Variants in CAMTA1 observed in about 807,000 individuals in gnomAD.
The protein encoded by CAMTA1 is calmodulin-binding transcription activator 1.
In CAMTA1, 27 loss-of-function variants were observed where a neutral mutation model predicts 170.9. That is an observed-to-expected ratio of 0.16 (90% CI 0.12 to 0.22). The LOEUF is 0.22. Among genes scored for constraint, CAMTA1 ranks in the 10% least tolerant of loss-of-function variants. CAMTA1 has a pLI of 1.00. For missense variants in CAMTA1, 1,619 were observed against 2,217.2 expected, an observed-to-expected ratio of 0.73 and a Z score of 5.42; for synonymous variants, 833 against 891.5, an observed-to-expected ratio of 0.93 and a Z score of 1.17.
At chr1:6,799,292 C>T (rs1051491495) in intron 1 of CAMTA1, among the ~76,000 whole-genome samples, 1 of 152,126 alleles carries the variant, frequency 6.6e-6, no homozygotes, top group Non-Finnish European at 1.5e-5. Flanking sequence ...TTGTCTTGTA[C>T]TCCTGGCCTC....
At chr1:6,856,409 G>A (rs1662419020) in intron 3 of CAMTA1, among the ~76,000 whole-genome samples, 1 of 132,378 alleles carries the variant, frequency 7.6e-6, no homozygotes, top group South Asian at 2.7e-4. Context: ...CAATGTGTTT[G>A]TTACGAGATA....
chr1:7,135,776 C>A lies in CAMTA1; in HGVS notation c.302+44405C>A, dbSNP rs528759456. 5.9e-5 allele frequency among the ~76,000 whole-genome samples: 9 copies of A among 152,264 alleles called. No individual in the cohort carries two copies. The South Asian group carries it at 1.9e-3, about 32-fold the overall frequency. On this transcript the variant is annotated intron_variant, in intron 4 of 22. Transcript: ENST00000303635. ...TCGCTGTCTCTTTCTGACTCTCTATCTGTCGTAATTCATGATGGTTTTTAA... is the reference window on the plus strand; with the variant it reads ...TCGCTGTCTCTTTCTGACTCTCTATATGTCGTAATTCATGATGGTTTTTAA...
chr1:7,440,703 C>G (rs115088730), intron 5 of CAMTA1, among the ~76,000 whole-genome samples: 1 of 152,174 alleles, frequency 6.6e-6, no homozygotes, highest in South Asian at 2.1e-4. Flanking sequence ...CTGCTTGGAG[C>G]CTGTGGGCCG....
intron 5 of CAMTA1, among the ~76,000 whole-genome samples, chr1:7,460,147 C>T (rs575787510): frequency 2.0e-5 from 3 of 152,384 alleles, no homozygotes; most frequent in Admixed American, 2.0e-4. Flanking sequence ...AGCTTCACCC[C>T]GCATGCGGGA....
At chr1:6,805,687 AT>A (rs1644431714) in intron 1 of CAMTA1, among the ~76,000 whole-genome samples, 1 of 152,032 alleles carries the variant, frequency 6.6e-6, no homozygotes, top group South Asian at 2.1e-4. Flanking sequence ...AAATTTTTTA[AT>A]AGAAACGGAG....
Position 7,562,977 on chromosome 1 carries a change from G to A in CAMTA1, c.511-77423G>A, listed in dbSNP as rs1417091371. Among the ~76,000 whole-genome samples, 1 of 152,178 alleles carries A rather than the reference G, an allele frequency of 6.6e-6. No homozygotes were observed. The highest frequency in any genetic ancestry group is 1.5e-5 in the Non-Finnish European group (1 of 68,038). ...TCTGGATTTGGTTGGGGGCTGTGAG[G>A]CCCATCACAGAGGTGCTTTCTGGGT... On this transcript the variant is annotated intron_variant, in intron 6 of 22. Transcript: ENST00000303635. This position sits in a 1 kb window ranked among gnomAD's most constrained non-coding sequence, Gnocchi z 4.8.
intron 3 of CAMTA1, among the ~76,000 whole-genome samples, chr1:6,991,042 G>A (rs1696291402): frequency 6.6e-6 from 1 of 151,866 alleles, no homozygotes; most frequent in African/African-American, 2.4e-5. Context: ...CATCTGTGTT[G>A]TTGCAAGTAT....
At chr1:7,211,182 C>T (rs1390199167) in intron 4 of CAMTA1, among the ~76,000 whole-genome samples, 1 of 152,160 alleles carries the variant, frequency 6.6e-6, no homozygotes, top group Non-Finnish European at 1.5e-5. Flanking sequence ...CACACTTCAT[C>T]CATAAACACT....
At chr1:7,208,718 T>C (rs761336145) in intron 4 of CAMTA1, among the ~76,000 whole-genome samples, 9 of 152,230 alleles carry the variant, frequency 5.9e-5, no homozygotes, top group Non-Finnish European at 1.2e-4. Context: ...GGGAAGGCTT[T>C]AGACAGATTC....
chr1:7,704,701 G>T (rs2096487537), intron 11 of CAMTA1, among the ~76,000 whole-genome samples: 1 of 148,302 alleles, frequency 6.7e-6, no homozygotes, highest in East Asian at 2.0e-4. Flanking sequence ...ATTGGTCCGG[G>T]CGGCGCACTC....
At chr1:6,956,854 G>T (rs1689543079) in intron 3 of CAMTA1, among the ~76,000 whole-genome samples, 4 of 152,208 alleles carry the variant, frequency 2.6e-5, no homozygotes, top group Admixed American at 2.0e-4. Context: ...TTGAGGTGTG[G>T]CTTTGTTTGA....
intron 1 of CAMTA1, among the ~76,000 whole-genome samples, chr1:6,805,014 T>C (rs1440643298): frequency 1.3e-5 from 2 of 152,256 alleles, no homozygotes; most frequent in African/African-American, 2.4e-5. Flanking sequence ...TATATGGACA[T>C]ATGTTTTCAT....
chr1:7,664,427 T>A lies in CAMTA1; in HGVS notation c.1880T>A (p.Val627Asp), dbSNP rs1558084327. Residue 627 changes from valine (V) to aspartate (D), a missense_variant, in exon 9 of 23, where the codon GTC becomes GAC. This residue lies in a region of CAMTA1 where 731 missense variants were observed against 907.6 expected (regional missense o/e 0.81). Transcript: ENST00000303635. ...CAGGACGCCAGCAAACCCCTCCCCG[T>A]CGAGCAGAACACCCACAGCAGCCTG... ...FLQDASKPLP[V>D]EQNTHSSLSD... 3.1e-6 allele frequency: 5 copies of A among 1,613,250 alleles called. No individual in the cohort carries two copies. The highest frequency in any genetic ancestry group is 4.2e-6 in the Non-Finnish European group (5 of 1,179,930).
intron 8 of CAMTA1, among the ~76,000 whole-genome samples, chr1:7,662,565 T>C (rs925377373): frequency 2.6e-5 from 4 of 152,044 alleles, no homozygotes; most frequent in African/African-American, 9.7e-5. Flanking sequence ...AAATATCCAA[T>C]GGGAGGGAGA....
At chr1:7,698,074 A>ACCCCCCCCCCCCCCC (rs55893283) in intron 11 of CAMTA1, among the ~76,000 whole-genome samples, 5 of 98,638 alleles carry the variant, frequency 5.1e-5, no homozygotes, top group Non-Finnish European at 8.7e-5. Flanking sequence ...ACGCACTGTG[A>ACCCCCCCCCCCCCCC]CCCCCCCCCC....
At chr1:7,066,152 C>G (rs910705647) in intron 3 of CAMTA1, among the ~76,000 whole-genome samples, 1 of 152,218 alleles carries the variant, frequency 6.6e-6, no homozygotes, top group Non-Finnish European at 1.5e-5. Flanking sequence ...TCCGAGGGGT[C>G]TTTTCTCTCT....
intron 6 of CAMTA1, among the ~76,000 whole-genome samples, chr1:7,637,850 G>A (rs2095726093): frequency 6.6e-6 from 1 of 152,216 alleles, no homozygotes; most frequent in African/African-American, 2.4e-5. Context: ...GATAATGGCT[G>A]GAAAGTGCTT....
At chr1:7,309,605 C>T (rs7530939) in intron 5 of CAMTA1, among the ~76,000 whole-genome samples, 26,179 of 152,000 alleles carry the variant, frequency 0.17, 3,502 homozygotes, top group African/African-American at 0.38. Flanking sequence ...GGCCTGAAAA[C>T]TTTTATTCCT....
chr1:7,629,256 T>A (rs937780811), intron 6 of CAMTA1, among the ~76,000 whole-genome samples: 1 of 152,150 alleles, frequency 6.6e-6, no homozygotes, highest in African/African-American at 2.4e-5. Flanking sequence ...CGCTGAACAG[T>A]CCAGCTGACA....
Sources: allele counts gnomAD v4.1 joint callset (sites outside exome capture counted in the v4.1 genomes callset), GRCh38; gene constraint gnomAD v4.1.1; regional missense constraint gnomAD v4.1.1; non-coding constraint Gnocchi (gnomAD v3.1); transcripts MANE v1.5; gene names NCBI Gene and HGNC (gene_info 2026-07-23, HGNC 2026-07-21).